GRIK2: variants seen among roughly 807,000 people sequenced by gnomAD.
GRIK2 encodes glutamate ionotropic receptor kainate type subunit 2.
Under a neutral mutation model 100.3 loss-of-function variants are expected in GRIK2, and 32 were observed. That is an observed-to-expected ratio of 0.32 (90% CI 0.24 to 0.43). The LOEUF (loss-of-function observed/expected upper bound fraction) is 0.43, where lower values mean the gene tolerates loss of function less well. Ranked by LOEUF, GRIK2 falls within the 20% of genes least tolerant of loss-of-function variation. The pLI is 1.00. For missense variants in GRIK2, 843 were observed against 1,114.9 expected (o/e 0.76, Z 3.47); for synonymous variants, 417 against 389.4 (o/e 1.07, Z -0.83).
At chr6:101,949,357 C>A (rs539257725) in intron 14 of GRIK2, among the ~76,000 whole-genome samples, 1 of 152,084 alleles carries the variant, frequency 6.6e-6, no homozygotes, top group East Asian at 1.9e-4. Flanking sequence ...TCTAGGAACT[C>A]CTCTTTGATT....
chr6:101,481,276 G>A lies in GRIK2; in HGVS notation c.115+81884G>A, dbSNP rs1772516691. ...GCTGTTTTTGGTATATGAAATTAATGCAGAAGGCTATTCTACTTCAGCCAG... is the reference window on the plus strand; with the variant it reads ...GCTGTTTTTGGTATATGAAATTAATACAGAAGGCTATTCTACTTCAGCCAG... On this transcript the variant is annotated intron_variant, in intron 2 of 16. Coordinates refer to ENST00000369134, the MANE Select transcript of GRIK2 (RefSeq NM_021956.5). Among the ~76,000 whole-genome samples, 2 of 152,080 alleles carry A rather than the reference G, an allele frequency of 1.3e-5. 1 individual carries two copies. The highest frequency in any genetic ancestry group is 2.9e-5 in the Non-Finnish European group (2 of 68,016).
At chr6:101,402,730 C>T (rs1475464899) in intron 2 of GRIK2, among the ~76,000 whole-genome samples, 1 of 152,132 alleles carries the variant, frequency 6.6e-6, no homozygotes, top group Non-Finnish European at 1.5e-5. Flanking sequence ...GTTCTCTGGC[C>T]GGCTTTTCTG....
At chr6:101,616,632 C>A (rs1005421477) in intron 2 of GRIK2, among the ~76,000 whole-genome samples, 2 of 151,766 alleles carry the variant, frequency 1.3e-5, no homozygotes, top group Non-Finnish European at 2.9e-5. Context: ...GCAGCTAAAT[C>A]AGTGACATTT....
chr6:101,537,560 G>A (rs1775775574), intron 2 of GRIK2, among the ~76,000 whole-genome samples: 1 of 151,496 alleles, frequency 6.6e-6, no homozygotes, highest in Non-Finnish European at 1.5e-5. Context: ...CTATGTTCCA[G>A]TGTTTGTGGC....
chr6:101,770,649 ATTAG>A (rs1255846151), intron 7 of GRIK2, among the ~76,000 whole-genome samples: 3 of 152,184 alleles, frequency 2.0e-5, no homozygotes, highest in African/African-American at 4.8e-5. Context: ...ATTGTAGAGT[ATTAG>A]TTGGCATTTG....
chr6:101,995,480 A>G (rs1794601839), intron 14 of GRIK2, among the ~76,000 whole-genome samples: 1 of 152,028 alleles, frequency 6.6e-6, no homozygotes, highest in South Asian at 2.1e-4. Context: ...TGACTCTTTC[A>G]TCCAGTTTCA....
chr6:102,028,515 T>C (rs1562122526), intron 14 of GRIK2, among the ~76,000 whole-genome samples: 1 of 151,346 alleles, frequency 6.6e-6, no homozygotes, highest in African/African-American at 2.4e-5. Context: ...AAAATAGAAA[T>C]ACATTCTAGT....
chr6:101,735,210 A>C (rs998736134), intron 7 of GRIK2, among the ~76,000 whole-genome samples: 5 of 152,196 alleles, frequency 3.3e-5, no homozygotes, highest in Non-Finnish European at 7.3e-5. Flanking sequence ...TCCTAGGTAG[A>C]GAATGTAAAA....
chr6:101,738,909 T>C (rs17062432), intron 7 of GRIK2, among the ~76,000 whole-genome samples: 7,477 of 152,172 alleles, frequency 0.049, 357 homozygotes, highest in African/African-American at 0.12. Context: ...TGAAGTAAAA[T>C]AGAAAACGGG....
At chr6:101,472,904 A>G (rs1178567908) in intron 2 of GRIK2, among the ~76,000 whole-genome samples, 1 of 151,850 alleles carries the variant, frequency 6.6e-6, no homozygotes, top group Non-Finnish European at 1.5e-5. Flanking sequence ...CTTCAGAATA[A>G]TATGAAGAGG....
intron 2 of GRIK2, among the ~76,000 whole-genome samples, chr6:101,477,570 C>G (rs377285574): frequency 2.2e-4 from 33 of 151,996 alleles, no homozygotes; most frequent in African/African-American, 7.5e-4. Context: ...AGATGTGGAT[C>G]TTAACCATAT....
chr6:101,892,520 AGT>A (rs1787174610), intron 12 of GRIK2, among the ~76,000 whole-genome samples: 1 of 151,392 alleles, frequency 6.6e-6, no homozygotes, highest in African/African-American at 2.4e-5. Context: ...CTAATGTACC[AGT>A]TTTTTTTTTA....
chr6:101,888,640 G>T (rs553893903), intron 11 of GRIK2, among the ~76,000 whole-genome samples: 1 of 152,022 alleles, frequency 6.6e-6, no homozygotes, highest in Non-Finnish European at 1.5e-5. Flanking sequence ...CACACACAGA[G>T]AATAATATTG....
chr6:101,413,332 C>A (rs944715169), intron 2 of GRIK2, among the ~76,000 whole-genome samples: 11 of 152,086 alleles, frequency 7.2e-5, no homozygotes, highest in Admixed American at 7.2e-4. Context: ...ATTTACCAGA[C>A]AACAAACAAA....
intron 2 of GRIK2, among the ~76,000 whole-genome samples, chr6:101,428,285 G>A (rs1414992166): frequency 6.6e-6 from 1 of 152,116 alleles, no homozygotes; most frequent in African/African-American, 2.4e-5. Flanking sequence ...ATACAGCTTT[G>A]ATTTGTTAAC....
intron 7 of GRIK2, among the ~76,000 whole-genome samples, chr6:101,726,640 G>A (rs968667344): frequency 1.6e-4 from 25 of 151,956 alleles, no homozygotes; most frequent in African/African-American, 6.0e-4. Context: ...AAATATCCAA[G>A]CAATGATTGC....
rs562070202 is a variant in GRIK2 at position 101,979,455 on chromosome 6, G to A, written c.2085+50823G>A. Among the ~76,000 whole-genome samples the A allele has an allele frequency of 3.3e-5, 5 of 152,112 alleles. No homozygotes were observed. The South Asian group carries it at 1.0e-3, about 32-fold the overall frequency. ...CTTATCTGTTAAAGGTGGAAGGTGA[G>A]TAGAATGTTCACAGAAGAGATTGAG... On this transcript the variant is annotated intron_variant, in intron 14 of 16. Transcript: ENST00000369134.
chr6:101,714,003 G>A (rs1773893517), intron 7 of GRIK2, among the ~76,000 whole-genome samples: 1 of 151,668 alleles, frequency 6.6e-6, no homozygotes, highest in South Asian at 2.1e-4. Context: ...GGTAAAATGT[G>A]TTGCTTTCAA....
intron 7 of GRIK2, among the ~76,000 whole-genome samples, chr6:101,754,315 G>A (rs957101416): frequency 6.6e-6 from 1 of 152,152 alleles, no homozygotes; most frequent in South Asian, 2.1e-4. Context: ...AAGGCAATAT[G>A]TGCCTGAGAT....
Sources: gnomAD v4.1 joint callset for allele counts (sites outside exome capture counted in the v4.1 genomes callset) on GRCh38, gnomAD v4.1.1 for gene constraint, MANE v1.5 for transcripts, NCBI Gene and HGNC (gene_info 2026-07-23, HGNC 2026-07-21) for gene names.